TMEM117: variants seen among roughly 807,000 people sequenced by gnomAD.
The protein encoded by TMEM117 is transmembrane protein 117.
Under a neutral mutation model 52.4 loss-of-function variants are expected in TMEM117, and 27 were observed. The ratio of observed to expected loss-of-function variants is 0.51; its 90% CI spans 0.38 to 0.71. The LOEUF is 0.71. Among genes scored for constraint, TMEM117 ranks in the 30% least tolerant of loss-of-function variants. The pLI is 0.00. For synonymous variants in TMEM117, 215 were observed against 206.3 expected, an observed-to-expected ratio of 1.04 and a Z score of -0.36; for missense variants, 556 against 630.5, an observed-to-expected ratio of 0.88 and a Z score of 1.26.
chr12:44,020,717 A>T (rs1184933831), intron 3 of TMEM117, among the ~76,000 whole-genome samples: 1 of 152,208 alleles, frequency 6.6e-6, no homozygotes, highest in African/African-American at 2.4e-5. Context: ...TATTTTATAC[A>T]TATTTTAAGG....
chr12:44,043,826 G>A (rs1302633914), intron 3 of TMEM117, among the ~76,000 whole-genome samples: 3 of 152,184 alleles, frequency 2.0e-5, no homozygotes, highest in African/African-American at 7.2e-5. Context: ...AACAGGCATG[G>A]GAATGGATAT....
At chr12:43,806,225 G>C in the TMEM117 span, 3 of 1,540,534 alleles carry the variant, frequency 1.9e-6, no homozygotes, top group Non-Finnish European at 2.6e-6. Flanking sequence ...TGTTACCTTG[G>C]ATGCCGGTCT....
intron 2 of TMEM117, among the ~76,000 whole-genome samples, chr12:43,932,670 C>A (rs1944890278): frequency 6.6e-6 from 1 of 152,134 alleles, no homozygotes; most frequent in Non-Finnish European, 1.5e-5. Flanking sequence ...ATACATTATT[C>A]TTGGATATTA....
chr12:44,123,740 A>G (rs1290202704), intron 3 of TMEM117, among the ~76,000 whole-genome samples: 2 of 151,996 alleles, frequency 1.3e-5, no homozygotes, highest in African/African-American at 4.8e-5. Context: ...TGGGTTTTCT[A>G]TTCTGTTACA....
chr12:43,997,489 A>G (rs1480336091), intron 3 of TMEM117, among the ~76,000 whole-genome samples: 1 of 152,134 alleles, frequency 6.6e-6, no homozygotes, highest in Non-Finnish European at 1.5e-5. Flanking sequence ...TTTAACTGGG[A>G]CTAGTTATCA....
intron 3 of TMEM117, among the ~76,000 whole-genome samples, chr12:44,134,960 A>C (rs1212018677): frequency 6.6e-6 from 1 of 152,000 alleles, no homozygotes; most frequent in Non-Finnish European, 1.5e-5. Context: ...CTGACACACC[A>C]CCCATGTTTT....
At chr12:43,914,502 T>C (rs528676390) in intron 2 of TMEM117, among the ~76,000 whole-genome samples, 2 of 152,096 alleles carry the variant, frequency 1.3e-5, no homozygotes, top group Non-Finnish European at 2.9e-5. Flanking sequence ...GGGAATTCAG[T>C]GGAGAACAAG....
At position 43,958,389 on chromosome 12, in the gene TMEM117, T is replaced by G. The variant is rs143469132; in HGVS notation, c.410+14047T>G. On this transcript the variant is annotated intron_variant, in intron 3 of 7. Coordinates refer to ENST00000266534, the MANE Select transcript of TMEM117 (RefSeq NM_032256.3). Reference sequence around the variant, plus strand: ...TGTTAATCAAAAGGAAAAGTTCCATTTTTCTTGATACAAAGCCTTTTCCAG... The same window carrying G: ...TGTTAATCAAAAGGAAAAGTTCCATGTTTCTTGATACAAAGCCTTTTCCAG... 7.2e-5 allele frequency among the ~76,000 whole-genome samples: 11 copies of G among 152,312 alleles called. No individual in the cohort carries two copies. The East Asian group carries it at 1.9e-3, about 27-fold the overall frequency.
chr12:43,807,515 C>T, the TMEM117 span, among the ~76,000 whole-genome samples: 2 of 152,194 alleles, frequency 1.3e-5, no homozygotes, highest in Non-Finnish European at 2.9e-5. Context: ...CAATGGTTCA[C>T]CCTGATTTAC....
intron 3 of TMEM117, among the ~76,000 whole-genome samples, chr12:44,087,498 G>A (rs979489120): frequency 2.2e-4 from 33 of 152,124 alleles, no homozygotes; most frequent in Non-Finnish European, 2.8e-4. Flanking sequence ...TCTCACTCTT[G>A]TTAATCATGT....
chr12:43,911,918 C>T (rs1482134733), intron 2 of TMEM117, among the ~76,000 whole-genome samples: 1 of 142,762 alleles, frequency 7.0e-6, no homozygotes. Context: ...ACTAGTTCAA[C>T]CATTGTGGAA....
intron 2 of TMEM117, among the ~76,000 whole-genome samples, chr12:43,871,879 A>G (rs946419047): frequency 6.6e-6 from 1 of 152,200 alleles, no homozygotes; most frequent in African/African-American, 2.4e-5. Flanking sequence ...TAGCAAAAAA[A>G]TATACATATC....
chr12:44,373,471 A>C (rs1951893303), intron 6 of TMEM117, among the ~76,000 whole-genome samples: 1 of 152,148 alleles, frequency 6.6e-6, no homozygotes, highest in African/African-American at 2.4e-5. Context: ...CCAATGTGTG[A>C]CCCTCCTGGA....
chr12:44,342,312 T>C (rs1438449334), intron 6 of TMEM117, among the ~76,000 whole-genome samples: 1 of 152,152 alleles, frequency 6.6e-6, no homozygotes, highest in Non-Finnish European at 1.5e-5. Context: ...GAATCTGCCC[T>C]CCCTCTTTTT....
intron 4 of TMEM117, among the ~76,000 whole-genome samples, chr12:44,170,875 T>C (rs892272345): frequency 6.6e-6 from 1 of 152,220 alleles, no homozygotes; most frequent in East Asian, 1.9e-4. Context: ...AATTCAATTA[T>C]GCAATCAGGA....
At chr12:43,827,100 G>A in the TMEM117 span, among the ~76,000 whole-genome samples, 1 of 151,484 alleles carries the variant, frequency 6.6e-6, no homozygotes, top group South Asian at 2.1e-4. Flanking sequence ...AGAAACAGAT[G>A]TAAAATAGAC....
At chr12:44,330,554 C>G (rs868060832) in intron 6 of TMEM117, among the ~76,000 whole-genome samples, 50 of 151,988 alleles carry the variant, frequency 3.3e-4, no homozygotes, top group African/African-American at 9.4e-4. Context: ...ACATTTTTTT[C>G]ATACTAAGTT....
At chr12:43,862,379 G>A (rs1036598209) in intron 2 of TMEM117, among the ~76,000 whole-genome samples, 5 of 152,044 alleles carry the variant, frequency 3.3e-5, no homozygotes, top group Admixed American at 1.3e-4. Flanking sequence ...CATGGATCTC[G>A]ATCTTCTGAC....
intron 3 of TMEM117, among the ~76,000 whole-genome samples, chr12:44,018,845 G>A (rs1004578109): frequency 1.3e-5 from 2 of 151,356 alleles, no homozygotes; most frequent in African/African-American, 4.9e-5. Flanking sequence ...TCAGCCTCCC[G>A]AGTAGCTGGA....
Sources: allele counts gnomAD v4.1 joint callset (sites outside exome capture counted in the v4.1 genomes callset), GRCh38; gene constraint gnomAD v4.1.1; transcripts MANE v1.5; gene names NCBI Gene and HGNC (gene_info 2026-07-23, HGNC 2026-07-21).